The following KHDRBS3 variants were observed in gnomAD, a reference collection of about 807,000 sequenced individuals.
The protein encoded by KHDRBS3 is KH domain-containing, RNA-binding, signal transduction-associated protein 3.
Under a neutral mutation model 45.6 loss-of-function variants are expected in KHDRBS3, and 23 were observed. That is an observed-to-expected ratio of 0.50 (90% CI 0.36 to 0.72). KHDRBS3 has a LOEUF of 0.72. Ranked by LOEUF, KHDRBS3 falls within the 30% of genes least tolerant of loss-of-function variation. The pLI is 0.00. For synonymous variants in KHDRBS3, 162 were observed against 156.5 expected, an observed-to-expected ratio of 1.04 and a Z score of -0.26; for missense variants, 352 against 424.8, an observed-to-expected ratio of 0.83 and a Z score of 1.51.
chr8:135,650,670 T>C (rs935633010), downstream of KHDRBS3, among the ~76,000 whole-genome samples: 2 of 152,324 alleles, frequency 1.3e-5, no homozygotes, highest in Admixed American at 6.5e-5. Flanking sequence ...TGTCATTCTT[T>C]ATATTACAGT....
intron 7 of KHDRBS3, among the ~76,000 whole-genome samples, chr8:135,631,896 T>A (rs1830620002): frequency 6.6e-6 from 1 of 152,210 alleles, no homozygotes; most frequent in African/African-American, 2.4e-5. Flanking sequence ...CACAATAGAT[T>A]TATTTACACC....
At chr8:135,510,346 T>A (rs1015098134) in intron 1 of KHDRBS3, among the ~76,000 whole-genome samples, 1 of 151,984 alleles carries the variant, frequency 6.6e-6, no homozygotes, top group African/African-American at 2.4e-5. Context: ...CGAAGGAGAG[T>A]GAGGGCAGAA....
intron 7 of KHDRBS3, chr8:135,625,880 C>T: frequency 1.3e-6 from 1 of 773,082 alleles, no homozygotes; most frequent in South Asian, 1.3e-5. Flanking sequence ...GCTGTTCGAT[C>T]TTTGTCACGT....
chr8:135,469,522 G>A (rs112401218), intron 1 of KHDRBS3, among the ~76,000 whole-genome samples: 1 of 20,800 alleles, frequency 4.8e-5, no homozygotes, highest in African/African-American at 1.5e-4. Flanking sequence ...TTTTTGTTTT[G>A]GTTTTTTTTT....
chr8:135,458,531 C>T (rs1821244011), intron 1 of KHDRBS3: 1 of 270,676 alleles, frequency 3.7e-6, no homozygotes, highest in Non-Finnish European at 7.2e-6. Flanking sequence ...GTTCCCCCTC[C>T]CAGCCCTTTG....
chr8:135,652,437 G>A (rs552314153), downstream of KHDRBS3, among the ~76,000 whole-genome samples: 128 of 152,324 alleles, frequency 8.4e-4, no homozygotes, highest in African/African-American at 2.8e-3. Flanking sequence ...ACCTCAAGCC[G>A]TGTGTGATTC....
downstream of KHDRBS3, among the ~76,000 whole-genome samples, chr8:135,652,086 G>A (rs1013463632): frequency 6.6e-6 from 1 of 152,192 alleles, no homozygotes; most frequent in Non-Finnish European, 1.5e-5. Context: ...TTTATTTTCT[G>A]TGCAAACAAT....
intron 6 of KHDRBS3, among the ~76,000 whole-genome samples, chr8:135,603,282 A>G (rs1239026781): frequency 6.6e-6 from 1 of 152,242 alleles, no homozygotes; most frequent in East Asian, 1.9e-4. Flanking sequence ...GAAATGGCAT[A>G]GGTGCTAAGT....
chr8:135,495,025 C>T lies in KHDRBS3; in HGVS notation c.89-26212C>T, dbSNP rs1215042310. ...ACCTGGAGGAGCTCTCTTAAGTACC[C>T]TTTCTTCTCCCCTAGTCGTGCTTGT... On this transcript the variant is annotated intron_variant, in intron 1 of 8. Coordinates refer to ENST00000355849, the MANE Select transcript of KHDRBS3 (RefSeq NM_006558.3). Among the ~76,000 whole-genome samples the T allele has an allele frequency of 2.0e-5, 3 of 152,204 alleles. No individual in the cohort carries two copies. In the East Asian group the frequency reaches 5.8e-4, roughly 29 times the overall value.
intron 6 of KHDRBS3, among the ~76,000 whole-genome samples, chr8:135,599,562 C>T (rs958598924): frequency 6.6e-6 from 1 of 152,210 alleles, no homozygotes; most frequent in Admixed American, 6.5e-5. Context: ...TTTCCTGCCA[C>T]TTGTCATTAA....
chr8:135,461,600 G>C (rs1195206078), intron 1 of KHDRBS3, among the ~76,000 whole-genome samples: 1 of 152,186 alleles, frequency 6.6e-6, no homozygotes, highest in East Asian at 1.9e-4. Flanking sequence ...GCTAGTAGGG[G>C]ATGTGCTGAC....
chr8:135,551,287 G>A (rs1826585638), intron 4 of KHDRBS3, among the ~76,000 whole-genome samples: 1 of 151,288 alleles, frequency 6.6e-6, no homozygotes, highest in South Asian at 2.1e-4. Context: ...ACTCCATTCC[G>A]TTCCTTATGA....
intron 6 of KHDRBS3, among the ~76,000 whole-genome samples, chr8:135,583,547 A>G (rs1450832592): frequency 1.3e-5 from 2 of 152,192 alleles, no homozygotes; most frequent in Non-Finnish European, 2.9e-5. Flanking sequence ...TAGATTTAAT[A>G]CAGATGTGGT....
intron 1 of KHDRBS3, among the ~76,000 whole-genome samples, chr8:135,514,577 A>G (rs1824471068): frequency 6.6e-6 from 1 of 152,222 alleles, no homozygotes; most frequent in Non-Finnish European, 1.5e-5. Flanking sequence ...AATGGGGAGT[A>G]GTTTAATGTG....
intron 6 of KHDRBS3, among the ~76,000 whole-genome samples, chr8:135,597,735 T>C (rs548485568): frequency 1.3e-5 from 2 of 152,272 alleles, no homozygotes; most frequent in East Asian, 1.9e-4. Context: ...CCAGGATAGA[T>C]GGAAAGATGT....
intron 1 of KHDRBS3, among the ~76,000 whole-genome samples, chr8:135,519,551 C>T (rs1824799447): frequency 6.6e-6 from 1 of 152,196 alleles, no homozygotes. Flanking sequence ...GAGTGAGAGG[C>T]TTTGTCAGCA....
At chr8:135,627,322 C>G (rs1239133309) in intron 7 of KHDRBS3, among the ~76,000 whole-genome samples, 1 of 152,200 alleles carries the variant, frequency 6.6e-6, no homozygotes, top group Non-Finnish European at 1.5e-5. Context: ...GAGGTTCAGG[C>G]AGGAAGAAGG....
chr8:135,598,527 A>G (rs1013842371), intron 6 of KHDRBS3, among the ~76,000 whole-genome samples: 2 of 152,230 alleles, frequency 1.3e-5, no homozygotes, highest in Non-Finnish European at 2.9e-5. Flanking sequence ...TAGAAGTCAC[A>G]TAATATTTTC....
At chr8:135,499,278 T>C (rs1046010857) in intron 1 of KHDRBS3, among the ~76,000 whole-genome samples, 1 of 152,228 alleles carries the variant, frequency 6.6e-6, no homozygotes, top group Non-Finnish European at 1.5e-5. Context: ...TTTAGCTCCT[T>C]AACAACAGTC....
Sources: allele counts gnomAD v4.1 joint callset (sites outside exome capture counted in the v4.1 genomes callset), GRCh38; gene constraint gnomAD v4.1.1; transcripts MANE v1.5; gene names NCBI Gene and HGNC (gene_info 2026-07-23, HGNC 2026-07-21).